CPT2: variants seen among roughly 807,000 people sequenced by gnomAD.
CPT2 encodes carnitine O-palmitoyltransferase 2, mitochondrial.
In CPT2, 37 loss-of-function variants were observed where a neutral mutation model predicts 48.6. The observed-to-expected ratio is 0.76, with a 90% CI of 0.59 to 1.00. CPT2 has a LOEUF of 1.00. Ranked by LOEUF, CPT2 falls within the 50% of genes least tolerant of loss-of-function variation. CPT2 has a pLI of 0.00. For missense variants in CPT2, 772 were observed against 825.6 expected, an observed-to-expected ratio of 0.94 and a Z score of 0.80; for synonymous variants, 319 against 326.9, an observed-to-expected ratio of 0.98 and a Z score of 0.26.
At position 53,211,082 on chromosome 1, in the gene CPT2, G is replaced by T. The variant is rs756326862; in HGVS notation, c.1408G>T (p.Ala470Ser). Residue 470 changes from alanine (A) to serine (S), a missense_variant, in exon 4 of 5, where the codon GCA becomes TCA. By Grantham distance (99) the Ala-to-Ser change is moderately conservative. Transcript: ENST00000371486. ...KLSPDAVAQL[A>S]FQMAFLRQYG... ...GAGCCCTGACGCAGTTGCCCAGCTGGCATTCCAGATGGCCTTCCTGCGGCA... is the reference window on the plus strand; with the variant it reads ...GAGCCCTGACGCAGTTGCCCAGCTGTCATTCCAGATGGCCTTCCTGCGGCA... 6.8e-6 allele frequency: 11 copies of T among 1,614,154 alleles called. No homozygotes were observed. The East Asian group carries it at 2.2e-4, about 33-fold the overall frequency.
chr1:53,201,103 T>C, intron 2 of CPT2: 1 of 421,160 alleles, frequency 2.4e-6, no homozygotes, highest in South Asian at 2.1e-5. Flanking sequence ...AGAGAGCATG[T>C]ACCCTTGGAA....
In CPT2 at chr1:53,210,832, A is replaced by G; in HGVS notation, c.1158A>G (p.Glu386=). Residue 386 remains glutamate, a synonymous_variant, in exon 4 of 5, where the codon GAA becomes GAG. Transcript: ENST00000371486. The part of the protein sequence containing the change: ...DGVAVLRFFN[E]VFKDSTQTPA... ...TGGCAGTGCTCAGATTTTTTAATGA[A>G]GTATTTAAAGACAGCACTCAGACCC... The G allele has an allele frequency of 1.2e-6, 2 of 1,614,100 alleles. No individual in the cohort carries two copies.
At chr1:53,209,871 C>A in intron 3 of CPT2, 144 bp from the exon 4 acceptor site, 1 of 692,734 alleles carries the variant, frequency 1.4e-6, no homozygotes, top group East Asian at 2.7e-5. Context: ...TGAATTATTG[C>A]AGAGCAAAAA....
At position 53,210,006 on chromosome 1, in the gene CPT2, A is replaced by C. The variant is rs759390063; in HGVS notation, c.341-9A>C. On this transcript the variant is annotated splice_polypyrimidine_tract_variant and intron_variant, in intron 3 of 4. Coordinates refer to ENST00000371486, the MANE Select transcript of CPT2 (RefSeq NM_000098.3). ...CATTTTATGTTATTTTTTTCTTTTT[A>C]TTTTTTAGGACCCTGGTTTGATATG... is the stretch of plus-strand genomic sequence containing the variant. 3.1e-6 allele frequency: 5 copies of C among 1,607,832 alleles called. No individual in the cohort carries two copies. The Admixed American group carries it at 6.7e-5, about 22-fold the overall frequency.
At chr1:53,209,634 G>A (rs955332749) in intron 3 of CPT2, 1 of 268,660 alleles carries the variant, frequency 3.7e-6, no homozygotes, top group Admixed American at 5.1e-5. Context: ...AAATTATCTG[G>A]GCATGGTGGA....
At position 53,212,895 on chromosome 1, in the gene CPT2, C is replaced by T. The variant is rs1645438674; in HGVS notation, c.1646-369C>T. On this transcript the variant is annotated intron_variant, in intron 4 of 4. Transcript: ENST00000371486. Reference sequence around the variant, plus strand: ...TCCACTGACTCAATCTTCTCTTTTACACTTGAATCAGACTTTTAGTTTTAT... The same window carrying T: ...TCCACTGACTCAATCTTCTCTTTTATACTTGAATCAGACTTTTAGTTTTAT... 8.3e-6 allele frequency: 4 copies of T among 481,136 alleles called. No individual in the cohort carries two copies. In the South Asian group the frequency reaches 1.3e-4, roughly 16 times the overall value. 29.8% of individuals were successfully genotyped at this position (481,136 alleles called of 1,614,324 possible). A position where few individuals can be genotyped will look rare whatever the true frequency, so the allele number is the denominator to read the frequency against.
At chr1:53,203,344 G>A (rs148984426) in intron 3 of CPT2, 35 of 152,264 alleles carry the variant, frequency 2.3e-4, no homozygotes, top group African/African-American at 7.2e-4. Flanking sequence ...GTAATTTTGG[G>A]TAACTCAGTA....
chr1:53,213,264 G>T lies in CPT2; in HGVS notation c.1646G>T (p.Gly549Val). 2 of 1,614,076 alleles carry T rather than the reference G, an allele frequency of 1.2e-6. No homozygotes were observed. The highest frequency in any genetic ancestry group is 8.5e-7 in the Non-Finnish European group (1 of 1,180,036). Residue 549 changes from glycine (G) to valine (V), a missense_variant and splice_region_variant, in exon 5 of 5, where the codon GGC becomes GTC. Physicochemically the swap from Gly to Val is moderately radical, Grantham distance 109. Coordinates refer to ENST00000371486, the MANE Select transcript of CPT2 (RefSeq NM_000098.3). Reference sequence around the variant, plus strand: ...TGGTTTTCCATTTTGTTTCTCACAGGCCAGGGCTTTGACCGACACTTGTTT... The same window carrying T: ...TGGTTTTCCATTTTGTTTCTCACAGTCCAGGGCTTTGACCGACACTTGTTT... The part of the protein sequence containing the change: ...HGQLTKEAAM[G>V]QGFDRHLFAL...
At chr1:53,212,174 C>G (rs904238625) in intron 4 of CPT2, among the ~76,000 whole-genome samples, 3 of 151,552 alleles carry the variant, frequency 2.0e-5, no homozygotes, top group Non-Finnish European at 4.4e-5. Flanking sequence ...AAGCGATTCT[C>G]CTGCCTCAGC....
At chr1:53,208,968 G>A (rs1294594049) in intron 3 of CPT2, 1 of 152,146 alleles carries the variant, frequency 6.6e-6, no homozygotes, top group Non-Finnish European at 1.5e-5. Flanking sequence ...AAAACATCCT[G>A]GCAGTTCCTC....
chr1:53,209,474 C>T (rs752371764), intron 3 of CPT2: 16 of 170,602 alleles, frequency 9.4e-5, no homozygotes, highest in African/African-American at 1.7e-4. Flanking sequence ...CATTGTTCAG[C>T]GCTAAGAAGA....
At position 53,200,436 on chromosome 1, in the gene CPT2, T is replaced by C. The variant is rs12754957; in HGVS notation, c.153-283T>C. On this transcript the variant is annotated intron_variant, in intron 1 of 4. Coordinates refer to ENST00000371486, the MANE Select transcript of CPT2 (RefSeq NM_000098.3). ...ATCATTGTGACCAGAAAACAGGAAT[T>C]CTTGGGGCAGCTTCTGCTTCCCCAT... is the stretch of plus-strand genomic sequence containing the variant. 97,484 of 352,298 alleles carry C rather than the reference T, an allele frequency of 0.28. 15,527 individuals carry two copies. Among genetic ancestry groups the C allele is most frequent in the East Asian group, 0.46 (7,133 of 15,368 alleles). 21.8% of individuals were successfully genotyped at this position (352,298 alleles called of 1,614,324 possible). A position where few individuals can be genotyped will look rare whatever the true frequency, so the allele number is the denominator to read the frequency against.
At chr1:53,203,775 C>CTTTT (rs1553169187) in intron 3 of CPT2, 2 of 66,860 alleles carry the variant, frequency 3.0e-5, no homozygotes. Flanking sequence ...TTGGCTTTTT[C>CTTTT]TTTTTCTTTT....
intron 2 of CPT2, chr1:53,201,918 G>T: frequency 4.3e-6 from 1 of 234,188 alleles, no homozygotes; most frequent in Non-Finnish European, 8.5e-6. Flanking sequence ...TTTTAATCTT[G>T]TAAAGTGGTA....
At chr1:53,199,825 GTATATCT>G (rs1356939890) in intron 1 of CPT2, 1 of 152,148 alleles carries the variant, frequency 6.6e-6, no homozygotes, top group Non-Finnish European at 1.5e-5. Flanking sequence ...ATGAACCACA[GTATATCT>G]TATATTAGGC....
chr1:53,201,711 G>C (rs1174658210), intron 2 of CPT2: 2 of 157,462 alleles, frequency 1.3e-5, no homozygotes, highest in Non-Finnish European at 2.8e-5. Flanking sequence ...TTTCTGTACA[G>C]GTAACTGGCA....
rs1211737714 is a variant in CPT2, at chr1:53,211,201, A to G, written c.1527A>G (p.Thr509=). 13 of 1,609,830 alleles carry G rather than the reference A, an allele frequency of 8.1e-6. No homozygotes were observed. The highest frequency in any genetic ancestry group is 1.1e-5 in the Non-Finnish European group (13 of 1,177,144). Residue 509 remains threonine, a synonymous_variant, in exon 4 of 5, where the codon ACA becomes ACG. Transcript: ENST00000371486. The part of the protein sequence containing the change: ...TETIRPASVY[T]KRCSEAFVRE... ...CCATCCGCCCGGCCTCCGTCTATAC[A>G]AAGAGGTGCTCTGAGGCCTTTGTCA... is the stretch of plus-strand genomic sequence containing the variant.
chr1:53,209,903 TGGAG>T, intron 3 of CPT2, 108 bp from the exon 4 acceptor site: 1 of 853,752 alleles, frequency 1.2e-6, no homozygotes, highest in Non-Finnish European at 1.9e-6. Context: ...TTCTTCTCTC[TGGAG>T]GTTGATGCCA....
intron 2 of CPT2, chr1:53,201,344 A>G (rs1241274516): frequency 1.2e-5 from 2 of 170,648 alleles, no homozygotes; most frequent in African/African-American, 4.8e-5. Context: ...AGACACAGAG[A>G]CAGCGGTGTG....
Sources: allele counts gnomAD v4.1 joint callset (sites outside exome capture counted in the v4.1 genomes callset), GRCh38; gene constraint gnomAD v4.1.1; transcripts MANE v1.5; gene names NCBI Gene and HGNC (gene_info 2026-07-23, HGNC 2026-07-21).